The following LRMDA variants were observed in gnomAD, a reference collection of about 807,000 sequenced individuals.
The protein encoded by LRMDA is leucine-rich melanocyte differentiation-associated protein.
In LRMDA, 18 loss-of-function variants were observed where a neutral mutation model predicts 29.8. The observed-to-expected ratio is 0.60, with a 90% confidence interval of 0.42 to 0.90. The LOEUF (loss-of-function observed/expected upper bound fraction) is 0.90, where lower values mean the gene tolerates loss of function less well. LRMDA is among the 40% of genes least tolerant of loss of function. The pLI is 0.00. For missense variants in LRMDA, 273 were observed against 273.9 expected (o/e 1.00, Z 0.02); for synonymous variants, 125 against 109.4 (o/e 1.14, Z -0.89).
chr10:76,113,053 A>G (rs1486861421), intron 5 of LRMDA, among the ~76,000 whole-genome samples: 1 of 152,096 alleles, frequency 6.6e-6, no homozygotes, highest in Non-Finnish European at 1.5e-5. Context: ...TTTCCCTTTG[A>G]CTTCCTCCTG....
At chr10:75,450,249 CAT>C (rs1844445843) in intron 2 of LRMDA, 1 of 152,048 alleles carries the variant, frequency 6.6e-6, no homozygotes, top group Admixed American at 6.6e-5. Context: ...GAGACACACA[CAT>C]GTTCAGGTTT....
intron 6 of LRMDA, among the ~76,000 whole-genome samples, chr10:76,552,244 G>A (rs2637254): frequency 0.45 from 68,160 of 152,114 alleles, 16,530 homozygotes; most frequent in Middle Eastern, 0.56. Context: ...TTTGATGGCT[G>A]GGCTTTAGTT....
chr10:76,041,603 G>A (rs1848339838), intron 3 of LRMDA, among the ~76,000 whole-genome samples: 1 of 152,152 alleles, frequency 6.6e-6, no homozygotes, highest in African/African-American at 2.4e-5. Flanking sequence ...CAGAGGGAGG[G>A]ATGTGTCCAT....
At chr10:76,512,651 A>C (rs1472656206) in intron 6 of LRMDA, among the ~76,000 whole-genome samples, 1 of 152,220 alleles carries the variant, frequency 6.6e-6, no homozygotes, top group African/African-American at 2.4e-5. Flanking sequence ...GTAAGTCTTC[A>C]TGACCTTGGG....
At chr10:76,392,464 G>C (rs1315023370) in intron 6 of LRMDA, among the ~76,000 whole-genome samples, 1 of 151,976 alleles carries the variant, frequency 6.6e-6, no homozygotes, top group East Asian at 1.9e-4. Context: ...AAGTATTTTG[G>C]ATTTCACATT....
chr10:76,012,463 G>A (rs956451925), intron 2 of LRMDA, among the ~76,000 whole-genome samples: 1 of 152,098 alleles, frequency 6.6e-6, no homozygotes, highest in African/African-American at 2.4e-5. Context: ...TGTGTGTATC[G>A]GGGGTTGGGG....
chr10:75,755,132 TCTC>T, intron 2 of LRMDA, among the ~76,000 whole-genome samples: 1 of 152,358 alleles, frequency 6.6e-6, no homozygotes, highest in African/African-American at 2.4e-5. Flanking sequence ...AATAACTTCT[TCTC>T]CTTCCCTTCA....
intron 2 of LRMDA, among the ~76,000 whole-genome samples, chr10:75,472,667 C>G (rs1318532533): frequency 6.6e-6 from 1 of 152,164 alleles, no homozygotes; most frequent in Non-Finnish European, 1.5e-5. Flanking sequence ...TGAATCAGGA[C>G]AGAAAAATCT....
intron 2 of LRMDA, among the ~76,000 whole-genome samples, chr10:75,760,664 A>G (rs80286022): frequency 0.026 from 3,977 of 152,220 alleles, 154 homozygotes; most frequent in African/African-American, 0.088. Context: ...ATCTCTTCTG[A>G]TTGTCTCTCT....
chr10:75,890,111 C>T (rs1057459107), intron 2 of LRMDA, among the ~76,000 whole-genome samples: 5 of 152,124 alleles, frequency 3.3e-5, no homozygotes, highest in South Asian at 2.1e-4. Context: ...TGTAAGCAAA[C>T]GCAAAGCTCA....
intron 2 of LRMDA, among the ~76,000 whole-genome samples, chr10:75,628,896 T>G (rs1369104797): frequency 6.6e-6 from 1 of 152,234 alleles, no homozygotes; most frequent in Non-Finnish European, 1.5e-5. Flanking sequence ...GTGGCATCAC[T>G]GCCTTAGAGT....
intron 2 of LRMDA, among the ~76,000 whole-genome samples, chr10:75,636,802 G>A (rs1238691646): frequency 6.6e-6 from 1 of 151,956 alleles, no homozygotes; most frequent in Admixed American, 6.6e-5. Flanking sequence ...ACCTGGGGCC[G>A]GGAGATCTCT....
intron 2 of LRMDA, among the ~76,000 whole-genome samples, chr10:75,440,757 C>T (rs147289349): frequency 7.9e-5 from 12 of 152,236 alleles, no homozygotes; most frequent in South Asian, 6.2e-4. Context: ...AAGCAGAGGC[C>T]GGACGTGGTG....
chr10:75,992,582 A>G (rs1847390519), intron 2 of LRMDA, among the ~76,000 whole-genome samples: 1 of 152,200 alleles, frequency 6.6e-6, no homozygotes, highest in Non-Finnish European at 1.5e-5. Flanking sequence ...GCTAACGGGC[A>G]TGGACGTTTC....
At chr10:76,083,181 T>C (rs1196244122) in intron 5 of LRMDA, among the ~76,000 whole-genome samples, 2 of 152,200 alleles carry the variant, frequency 1.3e-5, no homozygotes, top group Admixed American at 1.3e-4. Context: ...GGTGTGCCTT[T>C]GATATGCAAA....
intron 3 of LRMDA, among the ~76,000 whole-genome samples, chr10:76,041,385 TC>T (rs1475158230): frequency 6.6e-6 from 1 of 152,254 alleles, no homozygotes; most frequent in African/African-American, 2.4e-5. Context: ...TGGGTTTAAA[TC>T]CAGACTCTAT....
intron 2 of LRMDA, among the ~76,000 whole-genome samples, chr10:75,510,200 A>T (rs1845211180): frequency 6.6e-6 from 1 of 152,168 alleles, no homozygotes; most frequent in Admixed American, 6.5e-5. Context: ...TTCTTCCACA[A>T]GTGATGGCAT....
At chr10:76,439,055 A>G (rs1043799336) in intron 6 of LRMDA, among the ~76,000 whole-genome samples, 1 of 152,224 alleles carries the variant, frequency 6.6e-6, no homozygotes, top group Non-Finnish European at 1.5e-5. Context: ...TGAACTCAGT[A>G]TTTGATTTGT....
Position 76,408,859 on chromosome 10 carries a change from C to T in LRMDA, c.601+84374C>T, listed in dbSNP as rs565177930. ...TTTCCTTTGGTGGTTTGCATACTCC[C>T]CTCATGTAGTAGTCACATTATAAAC... On this transcript the variant is annotated intron_variant, in intron 6 of 6. Coordinates refer to ENST00000611255, the MANE Select transcript of LRMDA (RefSeq NM_001305581.2). 3.3e-5 allele frequency among the ~76,000 whole-genome samples: 5 copies of T among 152,256 alleles called. No individual in the cohort carries two copies. In the South Asian group the frequency reaches 1.0e-3, roughly 32 times the overall value.
Sources: allele counts gnomAD v4.1 joint callset (sites outside exome capture counted in the v4.1 genomes callset), GRCh38; gene constraint gnomAD v4.1.1; transcripts MANE v1.5; gene names NCBI Gene and HGNC (gene_info 2026-07-23, HGNC 2026-07-21).